Variants in SYTL5 observed in about 807,000 individuals in gnomAD.
SYTL5 encodes the protein synaptotagmin like 5.
Under a neutral mutation model 55.9 loss-of-function variants are expected in SYTL5, and 34 were observed. The observed-to-expected ratio is 0.61, with a 90% CI of 0.46 to 0.81. The LOEUF (loss-of-function observed/expected upper bound fraction) is 0.81. SYTL5 is among the 30% of genes least tolerant of loss of function. The probability of loss-of-function intolerance (pLI) is 0.00; values close to 1 mark genes in which losing one functional copy is unlikely to be tolerated. For missense variants in SYTL5, 637 were observed against 546.7 expected (o/e 1.17, Z -1.65); for synonymous variants, 221 against 188.7 (o/e 1.17, Z -1.40).
the SYTL5 span, among the ~76,000 whole-genome samples, chrX:37,899,407 A>G: frequency 7.2e-5 from 8 of 111,566 alleles, no homozygotes; most frequent in Admixed American, 5.7e-4. Flanking sequence ...TAACAGCCCT[A>G]AAAGATAAGG....
At chrX:37,978,863 G>A in the SYTL5 span, among the ~76,000 whole-genome samples, 2 of 111,228 alleles carry the variant, frequency 1.8e-5, no homozygotes, top group Non-Finnish European at 3.8e-5. Context: ...GAGAAGGTGA[G>A]GTGAAAATGG....
the SYTL5 span, among the ~76,000 whole-genome samples, chrX:37,973,027 T>C: frequency 1.8e-5 from 2 of 111,973 alleles, no homozygotes; most frequent in Non-Finnish European, 3.8e-5. Context: ...GATTATCTCC[T>C]GGATCGAGAA....
the SYTL5 span, among the ~76,000 whole-genome samples, chrX:37,967,128 G>A: frequency 1.8e-5 from 2 of 110,989 alleles, no homozygotes; most frequent in Admixed American, 9.6e-5. Context: ...CTCGGCTTAC[G>A]GCGACCTCTG....
the SYTL5 span, among the ~76,000 whole-genome samples, chrX:37,970,997 G>A: frequency 6.3e-5 from 7 of 111,916 alleles, no homozygotes; most frequent in Admixed American, 4.7e-4. Context: ...TAATTTTAAC[G>A]CCACCTTATT....
chrX:38,067,294 T>G (rs1483606934), intron 3 of SYTL5, among the ~76,000 whole-genome samples: 1 of 110,044 alleles, frequency 9.1e-6, no homozygotes, highest in African/African-American at 3.3e-5. Context: ...TCCTGGAGAA[T>G]GTAGACTGGA....
At chrX:37,939,237 G>A in the SYTL5 span, among the ~76,000 whole-genome samples, 3 of 106,471 alleles carry the variant, frequency 2.8e-5, no homozygotes, top group East Asian at 5.9e-4. Context: ...CTCCAGCCTA[G>A]GCAACAAGCA....
chrX:38,032,477 A>G (rs1934983618), intron 1 of SYTL5, among the ~76,000 whole-genome samples: 1 of 111,246 alleles, frequency 9.0e-6, no homozygotes, highest in Non-Finnish European at 1.9e-5. Context: ...ACAAACAACC[A>G]TGTACATCAT....
At chrX:38,088,132 G>A (rs186428810) in intron 6 of SYTL5, among the ~76,000 whole-genome samples, 2 of 111,626 alleles carry the variant, frequency 1.8e-5, no homozygotes, top group Admixed American at 9.5e-5. Context: ...TTTGGTTTTG[G>A]TGACTTCTCT....
the SYTL5 span, among the ~76,000 whole-genome samples, chrX:37,916,300 G>C: frequency 8.9e-6 from 1 of 112,025 alleles, no homozygotes; most frequent in East Asian, 2.8e-4. Flanking sequence ...CGGAGCCCAC[G>C]CACCCCTCCT....
chrX:38,059,403 G>A (rs951213266), intron 3 of SYTL5, among the ~76,000 whole-genome samples: 1 of 111,323 alleles, frequency 9.0e-6, no homozygotes, highest in Non-Finnish European at 1.9e-5. Flanking sequence ...CCTCTATTGA[G>A]AATGTACATT....
At chrX:38,077,328 T>C (rs1936416759) in intron 6 of SYTL5, among the ~76,000 whole-genome samples, 1 of 111,829 alleles carries the variant, frequency 8.9e-6, no homozygotes, top group African/African-American at 3.2e-5. Flanking sequence ...ATGATTAGTG[T>C]ATTATCAAAG....
At chrX:38,087,523 A>T (rs1448432292) in intron 6 of SYTL5, among the ~76,000 whole-genome samples, 1 of 112,328 alleles carries the variant, frequency 8.9e-6, no homozygotes, top group Non-Finnish European at 1.9e-5. Context: ...AGCTGAGTTC[A>T]TAGCACTGTA....
chrX:38,043,661 GTATATATATA>G (rs35312093), intron 2 of SYTL5, among the ~76,000 whole-genome samples: 7 of 50,161 alleles, frequency 1.4e-4, no homozygotes, highest in African/African-American at 2.9e-4. Flanking sequence ...ATGTATGTAT[GTATATATATA>G]TATATATATA....
intron 1 of SYTL5, among the ~76,000 whole-genome samples, chrX:38,011,791 T>A (rs182537065): frequency 2.1e-4 from 23 of 111,999 alleles, no homozygotes; most frequent in African/African-American, 6.8e-4. Context: ...AAGTTCAGGC[T>A]CAATTTTTGG....
the SYTL5 span, among the ~76,000 whole-genome samples, chrX:37,927,800 C>A: frequency 1.8e-5 from 2 of 110,405 alleles, no homozygotes; most frequent in Non-Finnish European, 3.8e-5. Context: ...ACAAAACAAA[C>A]AAAAAAACTG....
chrX:38,121,716 T>C (rs1305381172), intron 14 of SYTL5, among the ~76,000 whole-genome samples: 1 of 112,487 alleles, frequency 8.9e-6, no homozygotes, highest in Non-Finnish European at 1.9e-5. Context: ...TTTTGGTGCA[T>C]GTATATTGTC....
chrX:37,991,303 G>T, the SYTL5 span: 5 of 1,078,505 alleles, frequency 4.6e-6, no homozygotes, highest in Non-Finnish European at 6.1e-6. Flanking sequence ...ATTAAAGGAT[G>T]TAAATCCATG....
chrX:38,037,872 A>T (rs916078249), intron 2 of SYTL5, among the ~76,000 whole-genome samples: 2 of 111,158 alleles, frequency 1.8e-5, no homozygotes, highest in Non-Finnish European at 3.8e-5. Context: ...TCATATGATT[A>T]TGGAGGCTGA....
chrX:38,073,569 T>C (rs776371478), intron 4 of SYTL5, 21 bp from the exon 5 acceptor site: 1 of 1,102,243 alleles, frequency 9.1e-7, no homozygotes, highest in African/African-American at 1.8e-5. Context: ...TAAATTTCTC[T>C]TCTGATTGTT....
Sources: gnomAD v4.1 joint callset for allele counts (sites outside exome capture counted in the v4.1 genomes callset) on GRCh38, gnomAD v4.1.1 for gene constraint, MANE v1.5 for transcripts, NCBI Gene and HGNC (gene_info 2026-07-23, HGNC 2026-07-21) for gene names.